GRM8: variants seen among roughly 807,000 people sequenced by gnomAD.
GRM8 encodes metabotropic glutamate receptor 8.
In GRM8, 47 loss-of-function variants were observed where a neutral mutation model predicts 87.2. That is an observed-to-expected ratio of 0.54 (90% CI 0.43 to 0.69). The LOEUF is 0.69. GRM8 is among the 30% of genes least tolerant of loss of function. GRM8 has a pLI of 0.00. For synonymous variants in GRM8, 396 were observed against 404.5 expected, an observed-to-expected ratio of 0.98 and a Z score of 0.25; for missense variants, 1,019 against 1,139.2, an observed-to-expected ratio of 0.89 and a Z score of 1.52.
chr7:126,717,082 G>A (rs1811840156), intron 7 of GRM8, among the ~76,000 whole-genome samples: 2 of 152,318 alleles, frequency 1.3e-5, no homozygotes, highest in South Asian at 2.1e-4. Flanking sequence ...TTATGAAAAT[G>A]ACTTGGGACC....
chr7:127,017,592 C>T (rs1815813020), intron 3 of GRM8, among the ~76,000 whole-genome samples: 1 of 151,988 alleles, frequency 6.6e-6, no homozygotes, highest in Non-Finnish European at 1.5e-5. Context: ...TCATCTTTTT[C>T]AGAGGCTAGA....
chr7:126,616,778 G>T (rs1799545037), intron 7 of GRM8, among the ~76,000 whole-genome samples: 1 of 152,134 alleles, frequency 6.6e-6, no homozygotes, highest in South Asian at 2.1e-4. Context: ...AAATCTAGAA[G>T]AAATGGAAAA....
At chr7:126,869,690 T>G (rs923681172) in intron 6 of GRM8, 1 of 152,088 alleles carries the variant, frequency 6.6e-6, no homozygotes, top group African/African-American at 2.4e-5. Flanking sequence ...TAGGTTTCAA[T>G]AGTGGGCTTA....
At chr7:126,946,930 T>G (rs935182494) in intron 3 of GRM8, among the ~76,000 whole-genome samples, 1 of 152,240 alleles carries the variant, frequency 6.6e-6, no homozygotes, top group African/African-American at 2.4e-5. Context: ...CAAGCCTTTA[T>G]GATTCATGTC....
chr7:126,990,256 C>A (rs1006014335), intron 3 of GRM8, among the ~76,000 whole-genome samples: 5 of 151,816 alleles, frequency 3.3e-5, no homozygotes, highest in Non-Finnish European at 5.9e-5. Context: ...CTAAGCATTG[C>A]CCTGGACACA....
At chr7:126,554,426 T>TAAG (rs140107981) in intron 8 of GRM8, among the ~76,000 whole-genome samples, 8,131 of 149,956 alleles carry the variant, frequency 0.054, 574 homozygotes, top group African/African-American at 0.17. Context: ...CAAATAATAA[T>TAAG]AATAATAATA....
At chr7:127,019,503 C>T (rs1206725935) in intron 3 of GRM8, among the ~76,000 whole-genome samples, 2 of 151,978 alleles carry the variant, frequency 1.3e-5, no homozygotes, top group Non-Finnish European at 2.9e-5. Context: ...AAACCAGTGC[C>T]TTTTTAATTA....
At chr7:126,647,259 A>G (rs550276149) in intron 7 of GRM8, among the ~76,000 whole-genome samples, 3 of 151,942 alleles carry the variant, frequency 2.0e-5, no homozygotes, top group East Asian at 3.9e-4. Flanking sequence ...ATTGTGAAGG[A>G]TTTAGGGGGA....
chr7:126,544,444 C>T (rs1225463304), intron 8 of GRM8, among the ~76,000 whole-genome samples: 1 of 151,746 alleles, frequency 6.6e-6, no homozygotes, highest in Non-Finnish European at 1.5e-5. Context: ...GACTAAGTAC[C>T]CTGACCGCAT....
At chr7:126,966,168 T>C (rs1199622022) in intron 3 of GRM8, among the ~76,000 whole-genome samples, 4 of 152,184 alleles carry the variant, frequency 2.6e-5, no homozygotes, top group Non-Finnish European at 5.9e-5. Context: ...AAAGTCTGGC[T>C]CTATCTCCCA....
chr7:126,783,914 C>T (rs903085220), intron 6 of GRM8, among the ~76,000 whole-genome samples: 2 of 152,144 alleles, frequency 1.3e-5, no homozygotes, highest in African/African-American at 4.8e-5. Flanking sequence ...AATAAAACAT[C>T]AGTGTTCATT....
At chr7:126,609,087 ACT>A (rs1390827446) in intron 8 of GRM8, among the ~76,000 whole-genome samples, 2 of 151,988 alleles carry the variant, frequency 1.3e-5, no homozygotes, top group Admixed American at 6.6e-5. Flanking sequence ...ACAACAAATG[ACT>A]CTTTCATAAA....
chr7:126,714,712 T>C (rs890763172), intron 7 of GRM8, among the ~76,000 whole-genome samples: 1 of 152,174 alleles, frequency 6.6e-6, no homozygotes, highest in Non-Finnish European at 1.5e-5. Flanking sequence ...TGCAGAAATC[T>C]GCATATAACT....
At chr7:126,616,279 G>A (rs1357939550) in intron 7 of GRM8, among the ~76,000 whole-genome samples, 2 of 152,012 alleles carry the variant, frequency 1.3e-5, no homozygotes, top group African/African-American at 2.4e-5. Context: ...ATGACTACTG[G>A]GTACATAACG....
At chr7:127,167,700 TTG>T (rs1793538234) in intron 2 of GRM8, among the ~76,000 whole-genome samples, 2 of 152,150 alleles carry the variant, frequency 1.3e-5, no homozygotes, top group African/African-American at 4.8e-5. Context: ...TCAATAAGTT[TTG>T]TGTGTGTCAT....
chr7:127,233,290 G>A lies in GRM8; in HGVS notation c.510+9405C>T, dbSNP rs181985370. Among the ~76,000 whole-genome samples, 331 of 152,058 alleles carry A rather than the reference G, an allele frequency of 2.2e-3. 1 individual carries two copies. The Middle Eastern group carries it at 0.027, about 13-fold the overall frequency. On this transcript the variant is annotated intron_variant, in intron 2 of 10. Transcript: ENST00000339582. ...ATTCATATTAATCTATTTTACTCACGAGTATCAGCACCACTAGATAAATAC... is the reference window on the plus strand; with the variant it reads ...ATTCATATTAATCTATTTTACTCACAAGTATCAGCACCACTAGATAAATAC...
chr7:126,527,549 A>G (rs908025164), intron 9 of GRM8, among the ~76,000 whole-genome samples: 5 of 152,180 alleles, frequency 3.3e-5, no homozygotes, highest in African/African-American at 1.2e-4. Flanking sequence ...AGTTTGATCT[A>G]TTCTGCAAAT....
intron 7 of GRM8, among the ~76,000 whole-genome samples, chr7:126,637,426 A>C (rs994497260): frequency 2.6e-5 from 4 of 152,156 alleles, no homozygotes; most frequent in Admixed American, 2.6e-4. Context: ...AAACTCAAAA[A>C]TAATTAAAAT....
chr7:126,863,397 C>G (rs191994125), intron 6 of GRM8, among the ~76,000 whole-genome samples: 7 of 152,230 alleles, frequency 4.6e-5, no homozygotes, highest in Admixed American at 3.3e-4. Context: ...AGGCACTATT[C>G]TAAACAGTTA....
Sources: gnomAD v4.1 joint callset for allele counts (sites outside exome capture counted in the v4.1 genomes callset) on GRCh38, gnomAD v4.1.1 for gene constraint, MANE v1.5 for transcripts, NCBI Gene and HGNC (gene_info 2026-07-23, HGNC 2026-07-21) for gene names.